The following MLLT6 variants were observed in gnomAD, a reference collection of about 807,000 sequenced individuals.
The protein encoded by MLLT6 is protein AF-17.
Under a neutral mutation model 103.0 loss-of-function variants are expected in MLLT6, and 22 were observed. The observed-to-expected ratio is 0.21, with a 90% CI of 0.15 to 0.31. The LOEUF is 0.31. MLLT6 is among the 10% of genes least tolerant of loss of function. The pLI, the probability that MLLT6 is intolerant of heterozygous loss-of-function variation, is 1.00. For missense variants in MLLT6, 1,199 were observed against 1,441.7 expected (o/e 0.83, Z 2.73); for synonymous variants, 606 against 623.5 (o/e 0.97, Z 0.42).
At chr17:38,720,247 C>G (rs1409694944) in intron 14 of MLLT6, 125 bp from the exon 15 acceptor site, 2 of 940,756 alleles carry the variant, frequency 2.1e-6, no homozygotes, top group Non-Finnish European at 3.1e-6. Context: ...CACCTGTGTC[C>G]CTCCTTAGGA....
rs1905302689 is a variant in MLLT6, at chr17:38,715,606, C to T, written c.820-6C>T. On this transcript the variant is annotated splice_region_variant and splice_polypyrimidine_tract_variant and intron_variant, in intron 8 of 19. Transcript: ENST00000621332. ...GTGTTGAACCTTCCTCTCTCCTCTC[C>T]TTCAGGTCTCCTCCTCGGCTTCCTC... 2 of 1,608,882 alleles carry T rather than the reference C, an allele frequency of 1.2e-6. No homozygotes were observed.
At position 38,721,972 on chromosome 17, in the gene MLLT6, C is replaced by T. The variant is rs758529843; in HGVS notation, c.2537C>T (p.Thr846Ile). 4 of 1,508,052 alleles carry T rather than the reference C, an allele frequency of 2.7e-6. No homozygotes were observed. The South Asian group carries it at 3.6e-5, about 14-fold the overall frequency. 93.4% of individuals were successfully genotyped at this position (1,508,052 alleles called of 1,614,324 possible). Residue 846 changes from threonine (T) to isoleucine (I), a missense_variant, in exon 17 of 20, where the codon ACT becomes ATT. Physicochemically the swap from Thr to Ile is moderately conservative, Grantham distance 89. Around this residue, in one of 7 missense-constraint regions of MLLT6, gnomAD observed 1,034 missense variants for 1,091.5 expected, o/e 0.95. Transcript: ENST00000621332. The stretch of plus-strand genomic sequence containing the variant: ...CCCCTCCTCCAGCAGAGCCCTGCCA[C>T]TCTGCCCCTGGCCCTGCCTGGGGCC... ...PLPLLQQSPA[T>I]LPLALPGAPA... is the part of the protein sequence containing the mutation.
Position 38,720,731 on chromosome 17 carries a change from T to C in MLLT6, c.2426T>C (p.Leu809Pro). ...AGCAGCCTCGGCCTGGACAACTCGC[T>C]GTCCACTTCTTCTGAGGTGGGCGCT... ...GKSSLGLDNS[L>P]STSSEDPHSG... The change falls in exon 16 of 20, where the codon CTG (leucine) becomes CCG (proline). Residue 809 changes from leucine (L) to proline (P), a missense_variant. Physicochemically the swap from Leu to Pro is moderately conservative, Grantham distance 98. Coordinates refer to ENST00000621332, the MANE Select transcript of MLLT6 (RefSeq NM_005937.4). 6.2e-7 allele frequency: 1 copy of C among 1,613,856 alleles called. No individual in the cohort carries two copies. The highest frequency in any genetic ancestry group is 8.5e-7 in the Non-Finnish European group (1 of 1,180,020).
Position 38,724,351 on chromosome 17 carries a change from T to G in MLLT6, c.2884-269T>G. 1 of 423,486 alleles carries G rather than the reference T, an allele frequency of 2.4e-6. No individual in the cohort carries two copies. The highest frequency in any genetic ancestry group is 4.2e-6 in the Non-Finnish European group (1 of 239,842). 26.2% of individuals were successfully genotyped at this position (423,486 alleles called of 1,614,324 possible). A position where few individuals can be genotyped will look rare whatever the true frequency, so the allele number is the denominator to read the frequency against. ...GTTGTCTTAGGAGCTGAGGGGTGATTCTGTGGGCAGGGCCAGAGATATTAA... is the reference window on the plus strand; with the variant it reads ...GTTGTCTTAGGAGCTGAGGGGTGATGCTGTGGGCAGGGCCAGAGATATTAA... On this transcript the variant is annotated intron_variant, in intron 18 of 19. Transcript: ENST00000621332. The surrounding 1 kb of genome is among the most constrained non-coding windows in gnomAD (Gnocchi z 5.4).
rs560950271 is a variant in MLLT6, at chr17:38,719,973, T to G, written c.2155+78T>G. 23 of 1,472,406 alleles carry G rather than the reference T, an allele frequency of 1.6e-5. No homozygotes were observed. The South Asian group carries it at 2.0e-4, about 13-fold the overall frequency. 91.2% of individuals were successfully genotyped at this position (1,472,406 alleles called of 1,614,324 possible). On this transcript the variant is annotated intron_variant, in intron 14 of 19. Coordinates refer to ENST00000621332, the MANE Select transcript of MLLT6 (RefSeq NM_005937.4). ...CCTTTCTCCCCGAGGTCCCCAAGCTTCTTTAAGGTTCCGCCCTTAGGCCCC... is the reference window on the plus strand; with the variant it reads ...CCTTTCTCCCCGAGGTCCCCAAGCTGCTTTAAGGTTCCGCCCTTAGGCCCC...
At position 38,722,167 on chromosome 17, in the gene MLLT6, C is replaced by A; in HGVS notation, c.2732C>A (p.Pro911His). The part of the protein sequence containing the change: ...GGLNGAAAPN[P>H]ASLSQAGGAP... ...TTGAATGGGGCCGCTGCCCCCAACC[C>A]CGCAAGCTTGAGCCAGGCTGGCGGG... The change falls in exon 17 of 20, where the codon CCC becomes CAC. Residue 911 changes from proline (P) to histidine (H), a missense_variant. This residue lies in a region of MLLT6 where 1,034 missense variants were observed against 1,091.5 expected (regional missense o/e 0.95). Transcript: ENST00000621332. The A allele has an allele frequency of 7.3e-7, 1 of 1,371,276 alleles. No homozygotes were observed. Among genetic ancestry groups the A allele is most frequent in the Non-Finnish European group, 9.4e-7 (1 of 1,067,676 alleles). The allele number at this position is 1,371,276 out of a possible 1,614,324, so 84.9% of individuals were successfully genotyped here. A position where few individuals can be genotyped will look rare whatever the true frequency, so the allele number is the denominator to read the frequency against.
At position 38,724,678 on chromosome 17, in the gene MLLT6, A is replaced by T. The variant is rs1164401661; in HGVS notation, c.2942A>T (p.Gln981Leu). The T allele has an allele frequency of 3.1e-6, 5 of 1,612,588 alleles. No homozygotes were observed. The highest frequency in any genetic ancestry group is 1.7e-4 in the Middle Eastern group (1 of 6,056). The change falls in exon 19 of 20, where the codon CAG becomes CTG. Residue 981 changes from glutamine (Q) to leucine (L), a missense_variant. This residue lies in a region of MLLT6 where 1,034 missense variants were observed against 1,091.5 expected (regional missense o/e 0.95). Transcript: ENST00000621332. The surrounding 1 kb of genome is among the most constrained non-coding windows in gnomAD (Gnocchi z 5.4). ...CAGATCCAGCAGAAACGGGAGCTGCAGCGCCTGCAGATGGCTGGGGGCTCC... is the reference window on the plus strand; with the variant it reads ...CAGATCCAGCAGAAACGGGAGCTGCTGCGCCTGCAGATGGCTGGGGGCTCC... The part of the protein sequence containing the change: ...IQQIQQKREL[Q>L]RLQMAGGSQL...
intron 8 of MLLT6, chr17:38,715,350 C>T: frequency 2.2e-6 from 1 of 455,946 alleles, no homozygotes; most frequent in Non-Finnish European, 3.8e-6. Flanking sequence ...TGGCTTCCAT[C>T]TTCCCTGCCT....
chr17:38,710,467 C>T (rs919468926), intron 6 of MLLT6, among the ~76,000 whole-genome samples: 4 of 152,154 alleles, frequency 2.6e-5, no homozygotes, highest in Non-Finnish European at 5.9e-5. Flanking sequence ...ATTACCCTGG[C>T]AGCCGCTGTG....
chr17:38,713,100 T>TC (rs1248105276), intron 8 of MLLT6: 1 of 739,022 alleles, frequency 1.4e-6, no homozygotes, highest in Non-Finnish European at 2.6e-6. Flanking sequence ...AGGCCTGCTC[T>TC]CCAAGTTCTA....
In MLLT6 at chr17:38,726,853, G is replaced by C. The variant is rs1906060325; in HGVS notation, c.*1255G>C. On this transcript the variant is annotated 3_prime_UTR_variant, in exon 20 of 20. Transcript: ENST00000621332. ...CACCAACCAGGGGAGCCACTAAGCT[G>C]ACTAACAACTGTCCCCTCACCCACC... 8.6e-6 allele frequency: 2 copies of C among 233,674 alleles called. No individual in the cohort carries two copies. Among genetic ancestry groups the C allele is most frequent in the African/African-American group, 2.2e-5 (1 of 45,364 alleles). 14.5% of individuals were successfully genotyped at this position (233,674 alleles called of 1,614,324 possible).
At position 38,725,676 on chromosome 17, in the gene MLLT6, G is replaced by A. The variant is rs1219465966; in HGVS notation, c.*78G>A. On this transcript the variant is annotated 3_prime_UTR_variant, in exon 20 of 20. Coordinates refer to ENST00000621332, the MANE Select transcript of MLLT6 (RefSeq NM_005937.4). The stretch of plus-strand genomic sequence containing the variant: ...TGAGGGGTCCTAGCCTGGAGCAGGC[G>A]CCTGCGCCCAGACCCTGGAGAGCCT... The A allele has an allele frequency of 8.9e-5, 114 of 1,278,704 alleles. 1 individual carries two copies. The highest frequency in any genetic ancestry group is 2.2e-4 in the Middle Eastern group (1 of 4,562). 79.2% of individuals were successfully genotyped at this position (1,278,704 alleles called of 1,614,324 possible).
intron 18 of MLLT6, among the ~76,000 whole-genome samples, chr17:38,723,571 G>T (rs1461658418): frequency 1.3e-5 from 2 of 152,128 alleles, no homozygotes; most frequent in Non-Finnish European, 2.9e-5. Flanking sequence ...AACCAATTCA[G>T]CTGGCTGCCT....
intron 19 of MLLT6, 111 bp downstream of exon 19, chr17:38,725,087 A>T: frequency 1.3e-6 from 1 of 762,616 alleles, no homozygotes; most frequent in African/African-American, 1.8e-5. Context: ...AGCAACCCCT[A>T]GGTCAGCAAA....
chr17:38,713,713 T>A (rs1041338216), intron 8 of MLLT6: 2 of 152,288 alleles, frequency 1.3e-5, no homozygotes, highest in Non-Finnish European at 2.9e-5. Context: ...GCCAGGGGTC[T>A]GGGAGTTTTT....
At chr17:38,706,520 C>T (rs1904931929) in intron 1 of MLLT6, 1 of 158,696 alleles carries the variant, frequency 6.3e-6, no homozygotes, top group South Asian at 2.0e-4. Context: ...GATGAGGTCC[C>T]TAGACCCCCT....
At chr17:38,725,333 G>A (rs1295794175) in intron 19 of MLLT6, 3 of 566,964 alleles carry the variant, frequency 5.3e-6, no homozygotes, top group Admixed American at 3.6e-5. Flanking sequence ...AGGGCACACG[G>A]CCTTAGCTTG....
intron 19 of MLLT6, 82 bp downstream of exon 19, chr17:38,725,058 A>G: frequency 9.5e-7 from 1 of 1,057,316 alleles, no homozygotes; most frequent in Non-Finnish European, 1.4e-6. Context: ...ATCATCAGGT[A>G]CCTCAGCAGG....
chr17:38,716,060 T>C lies in MLLT6; in HGVS notation c.1036+232T>C, dbSNP rs997991363. On this transcript the variant is annotated intron_variant, in intron 9 of 19. Coordinates refer to ENST00000621332, the MANE Select transcript of MLLT6 (RefSeq NM_005937.4). The surrounding 1 kb of genome is among the most constrained non-coding windows in gnomAD (Gnocchi z 5.6). ...CCCACCAACCTCATAACAGTATTCC[T>C]TATCCCCTACATTTGTGCTGCAAGG... is the stretch of plus-strand genomic sequence containing the variant. 10 of 605,514 alleles carry C rather than the reference T, an allele frequency of 1.7e-5. No homozygotes were observed. Among genetic ancestry groups the C allele is most frequent in the Admixed American group, 3.1e-5 (1 of 32,698 alleles). The allele number at this position is 605,514 out of a possible 1,614,324, so 37.5% of individuals were successfully genotyped here.
Sources: allele counts gnomAD v4.1 joint callset (sites outside exome capture counted in the v4.1 genomes callset), GRCh38; gene constraint gnomAD v4.1.1; regional missense constraint gnomAD v4.1.1; non-coding constraint Gnocchi (gnomAD v3.1); transcripts MANE v1.5; gene names NCBI Gene and HGNC (gene_info 2026-07-23, HGNC 2026-07-21).